TGFBRAP1: variants seen among roughly 807,000 people sequenced by gnomAD.
The protein encoded by TGFBRAP1 is transforming growth factor beta receptor associated protein 1.
Under a neutral mutation model 83.2 loss-of-function variants are expected in TGFBRAP1, and 20 were observed. That is an observed-to-expected ratio of 0.24 (90% confidence interval 0.17 to 0.35). TGFBRAP1 has a LOEUF of 0.35. Ranked by LOEUF, TGFBRAP1 falls within the 10% of genes least tolerant of loss-of-function variation. The pLI, the probability that TGFBRAP1 is intolerant of heterozygous loss-of-function variation, is 1.00. For synonymous variants in TGFBRAP1, 415 were observed against 459.8 expected (o/e 0.90, Z 1.25); for missense variants, 950 against 1,099.4 (o/e 0.86, Z 1.92).
chr2:105,273,019 A>G lies in TGFBRAP1; in HGVS notation c.1813-5T>C. Reference sequence around the variant, plus strand: ...GTGGGTGTGATACTCTTCTTTCTGCAGGAAACAGGGGGAGCCAAGCAGACA... The same window carrying G: ...GTGGGTGTGATACTCTTCTTTCTGCGGGAAACAGGGGGAGCCAAGCAGACA... On this transcript the variant is annotated splice_polypyrimidine_tract_variant and splice_region_variant and intron_variant, in intron 9 of 11. Coordinates refer to ENST00000393359, the MANE Select transcript of TGFBRAP1 (RefSeq NM_004257.6). The G allele has an allele frequency of 6.2e-7, 1 of 1,608,658 alleles. No individual in the cohort carries two copies.
chr2:105,282,265 A>T (rs996393271), intron 5 of TGFBRAP1, among the ~76,000 whole-genome samples: 49 of 152,202 alleles, frequency 3.2e-4, no homozygotes, highest in African/African-American at 1.2e-3. Flanking sequence ...ATGAAAGAAG[A>T]GCTGAACCTA....
At chr2:105,328,691 G>T (rs1347746422) in intron 1 of TGFBRAP1, among the ~76,000 whole-genome samples, 1 of 152,186 alleles carries the variant, frequency 6.6e-6, no homozygotes, top group Non-Finnish European at 1.5e-5. Context: ...TGATAGACAA[G>T]GTGCTTGCCC....
intron 8 of TGFBRAP1, 49 bp downstream of exon 8, chr2:105,275,511 T>C: frequency 6.2e-7 from 1 of 1,605,596 alleles, no homozygotes; most frequent in South Asian, 1.1e-5. Context: ...GGGGTCTGTT[T>C]TTACCACCTC....
chr2:105,254,726 C>T, the TGFBRAP1 span, among the ~76,000 whole-genome samples: 1 of 152,090 alleles, frequency 6.6e-6, no homozygotes, highest in African/African-American at 2.4e-5. Flanking sequence ...AATTGCGTCT[C>T]CCTTGCCAAA....
the TGFBRAP1 span, among the ~76,000 whole-genome samples, chr2:105,252,103 C>A: frequency 6.6e-6 from 1 of 151,136 alleles, no homozygotes; most frequent in South Asian, 2.1e-4. Context: ...CCTGCCAAAT[C>A]CCCCTCTGCG....
At chr2:105,280,283 C>T in intron 6 of TGFBRAP1, 99 bp downstream of exon 6, 6 of 1,295,890 alleles carry the variant, frequency 4.6e-6, no homozygotes, top group Non-Finnish European at 3.2e-6. Flanking sequence ...ACATAAACAT[C>T]ACACTGGCTA....
intron 4 of TGFBRAP1, among the ~76,000 whole-genome samples, chr2:105,287,982 C>T (rs1677774126): frequency 6.6e-6 from 1 of 152,108 alleles, no homozygotes; most frequent in African/African-American, 2.4e-5. Flanking sequence ...CCTCAGGTGG[C>T]TACACCAACT....
chr2:105,276,905 G>A (rs1003257950), intron 7 of TGFBRAP1, among the ~76,000 whole-genome samples: 2 of 152,180 alleles, frequency 1.3e-5, no homozygotes, highest in African/African-American at 4.8e-5. Flanking sequence ...GAACATGGCT[G>A]ATGCTCTTGG....
intron 8 of TGFBRAP1, among the ~76,000 whole-genome samples, 160 bp downstream of exon 8, chr2:105,275,400 G>T (rs1208816738): frequency 1.3e-5 from 2 of 152,172 alleles, no homozygotes; most frequent in Non-Finnish European, 2.9e-5. Context: ...AATCCAGAGA[G>T]CTCAAGGGAA....
chr2:105,292,180 G>A (rs1358355439), intron 4 of TGFBRAP1, among the ~76,000 whole-genome samples: 1 of 152,136 alleles, frequency 6.6e-6, no homozygotes. Flanking sequence ...ATTCAATGGT[G>A]AGCATTCCAC....
intron 1 of TGFBRAP1, among the ~76,000 whole-genome samples, chr2:105,328,626 C>A (rs1679286058): frequency 6.6e-6 from 1 of 152,212 alleles, no homozygotes; most frequent in Admixed American, 6.5e-5. Context: ...TCCCTGCACA[C>A]CTTCTCAGTG....
rs1433715742 is a variant in TGFBRAP1 at position 105,280,669 on chromosome 2, G to T, written c.1176C>A (p.Pro392=). The T allele has an allele frequency of 6.2e-7, 1 of 1,614,050 alleles. No individual in the cohort carries two copies. Among genetic ancestry groups the T allele is most frequent in the East Asian group, 2.2e-5 (1 of 44,892 alleles). The change falls in exon 6 of 12, where the codon CCC becomes CCA. Residue 392 remains proline, a synonymous_variant. Coordinates refer to ENST00000393359, the MANE Select transcript of TGFBRAP1 (RefSeq NM_004257.6). ...GGGACCGGGTGAAGGAGGAGGAGGT[G>T]GGCAACAGGAAGGGGTAGAGAGAGA... ...ELISLYPFLL[P]TSSSFTRSHP...
chr2:105,264,185 T>C (rs1383120685), downstream of TGFBRAP1, among the ~76,000 whole-genome samples: 2 of 152,226 alleles, frequency 1.3e-5, no homozygotes, highest in Admixed American at 1.3e-4. Context: ...GAAGTCTCCC[T>C]GGTTGAATTC....
intron 1 of TGFBRAP1, among the ~76,000 whole-genome samples, chr2:105,323,732 C>G (rs1275501122): frequency 1.3e-5 from 2 of 152,166 alleles, no homozygotes; most frequent in East Asian, 1.9e-4. Flanking sequence ...AACAAACTGC[C>G]AAACACCTCC....
At chr2:105,256,631 AGACAG>A in the TGFBRAP1 span, among the ~76,000 whole-genome samples, 2 of 152,200 alleles carry the variant, frequency 1.3e-5, no homozygotes, top group Non-Finnish European at 2.9e-5. Context: ...CCCGCCCAAA[AGACAG>A]GTTATCATAT....
At chr2:105,267,939 AT>A in intron 11 of TGFBRAP1, 1 of 950,648 alleles carries the variant, frequency 1.1e-6, no homozygotes, top group South Asian at 4.9e-5. Flanking sequence ...GGGTTCTCTC[AT>A]TTGCAAATAA....
Position 105,275,622 on chromosome 2 carries a change from A to T in TGFBRAP1, c.1603T>A (p.Tyr535Asn). 1.9e-6 allele frequency: 3 copies of T among 1,614,212 alleles called. No individual in the cohort carries two copies. Among genetic ancestry groups the T allele is most frequent in the Non-Finnish European group, 2.5e-6 (3 of 1,180,036 alleles). The change falls in exon 8 of 12, where the codon TAC becomes AAC. Residue 535 changes from tyrosine to asparagine, a missense_variant. By Grantham distance (143) the Tyr-to-Asn change is moderately radical. Transcript: ENST00000393359. ...LYEYIVDFLT[Y>N]CLDEELVWAY... ...CACACTAGTTCCTCGTCTAAGCAGT[A>T]GGTAAGAAAATCCACGATGTATTCA... is the stretch of plus-strand genomic sequence containing the variant.
chr2:105,321,518 T>A (rs1361933737), intron 1 of TGFBRAP1, among the ~76,000 whole-genome samples: 1 of 152,144 alleles, frequency 6.6e-6, no homozygotes, highest in Non-Finnish European at 1.5e-5. Flanking sequence ...ATAGAACTTT[T>A]ATAGAAAAAA....
intron 4 of TGFBRAP1, among the ~76,000 whole-genome samples, chr2:105,288,308 T>C (rs373097378): frequency 6.6e-6 from 1 of 152,204 alleles, no homozygotes; most frequent in Non-Finnish European, 1.5e-5. Context: ...GAGCCAGTGC[T>C]GAGGACAGCA....
Sources: allele counts gnomAD v4.1 joint callset (sites outside exome capture counted in the v4.1 genomes callset), GRCh38; gene constraint gnomAD v4.1.1; transcripts MANE v1.5; gene names NCBI Gene and HGNC (gene_info 2026-07-23, HGNC 2026-07-21).